RBFOX1: variants seen among roughly 807,000 people sequenced by gnomAD.
The protein encoded by RBFOX1 is RNA binding fox-1 homolog 1.
A neutral mutation model predicts 57.7 loss-of-function variants in RBFOX1; 8 were observed. The ratio of observed to expected loss-of-function variants is 0.14; its 90% CI spans 0.08 to 0.25. The LOEUF (loss-of-function observed/expected upper bound fraction) is 0.25. Among genes scored for constraint, RBFOX1 ranks in the 10% least tolerant of loss-of-function variants. The pLI is 1.00. For synonymous variants in RBFOX1, 326 were observed against 222.4 expected, an observed-to-expected ratio of 1.47 and a Z score of -4.15; for missense variants, 611 against 548.5, an observed-to-expected ratio of 1.11 and a Z score of -1.14.
chr16:5,302,627 G>A (rs1211451367), intron 1 of RBFOX1, among the ~76,000 whole-genome samples: 1 of 152,016 alleles, frequency 6.6e-6, no homozygotes, highest in Non-Finnish European at 1.5e-5. Flanking sequence ...TACATTTTTA[G>A]GGTCATTTTG....
chr16:7,263,042 C>T (rs534561183), intron 4 of RBFOX1, among the ~76,000 whole-genome samples: 2 of 152,332 alleles, frequency 1.3e-5, no homozygotes, highest in South Asian at 2.1e-4. Flanking sequence ...GGTGGAATGA[C>T]TGTTCTCTCC....
chr16:7,282,140 G>C (rs1457222306), intron 4 of RBFOX1, among the ~76,000 whole-genome samples: 1 of 152,290 alleles, frequency 6.6e-6, no homozygotes, highest in Admixed American at 6.5e-5. Flanking sequence ...TGGGATTACA[G>C]GTGTGAGCCA....
intron 10 of RBFOX1, among the ~76,000 whole-genome samples, chr16:7,609,044 T>C (rs1280229471): frequency 1.3e-5 from 2 of 152,182 alleles, no homozygotes; most frequent in Non-Finnish European, 2.9e-5. Flanking sequence ...TGCATCTTTG[T>C]GCAAAGCTGC....
At chr16:6,921,661 G>A (rs1032873719) in intron 3 of RBFOX1, among the ~76,000 whole-genome samples, 2 of 146,564 alleles carry the variant, frequency 1.4e-5, no homozygotes, top group East Asian at 2.0e-4. Context: ...TTTTTTCTTA[G>A]GGTTGCTTTC....
rs377071738 is a variant in RBFOX1, at chr16:7,695,622, G to A, written c.996-13434G>A. 1.8e-3 allele frequency among the ~76,000 whole-genome samples: 260 copies of A among 141,318 alleles called. 1 individual carries two copies. Among genetic ancestry groups the A allele is most frequent in the African/African-American group, 5.6e-3 (211 of 37,708 alleles). The allele number at this position is 141,318 out of a possible 152,430, so 92.7% of individuals were successfully genotyped here. A position where few individuals can be genotyped will look rare whatever the true frequency, so the allele number is the denominator to read the frequency against. ...AGCAGAGACTGCGCCACTGCACTCCGGCCTGGACGACAGAGCAAGCCTCCA... is the reference window on the plus strand; with the variant it reads ...AGCAGAGACTGCGCCACTGCACTCCAGCCTGGACGACAGAGCAAGCCTCCA... On this transcript the variant is annotated intron_variant, in intron 14 of 15. Coordinates refer to ENST00000550418, the MANE Select transcript of RBFOX1 (RefSeq NM_018723.4).
At chr16:6,664,110 C>G (rs1189562596) in intron 3 of RBFOX1, among the ~76,000 whole-genome samples, 1 of 152,140 alleles carries the variant, frequency 6.6e-6, no homozygotes, top group African/African-American at 2.4e-5. Flanking sequence ...GCTCATAGAT[C>G]ATGTTTATGT....
chr16:7,346,341 T>G (rs2097005168), intron 4 of RBFOX1, among the ~76,000 whole-genome samples: 1 of 151,426 alleles, frequency 6.6e-6, no homozygotes, highest in Non-Finnish European at 1.5e-5. Flanking sequence ...CAGAGGAGCA[T>G]TCTACCCAAG....
At chr16:6,224,228 T>TA (rs2097399242) in intron 1 of RBFOX1, among the ~76,000 whole-genome samples, 1 of 151,756 alleles carries the variant, frequency 6.6e-6, no homozygotes, top group Non-Finnish European at 1.5e-5. Flanking sequence ...GTTATTTTTT[T>TA]CCAATTCTGT....
At chr16:6,483,095 G>C in intron 2 of RBFOX1, 1 of 1,003,804 alleles carries the variant, frequency 1.0e-6, no homozygotes, top group Non-Finnish European at 1.2e-6. Context: ...ACCCGTAGGG[G>C]CGGGACCCAC....
At chr16:6,075,774 T>G (rs1045466422) in intron 1 of RBFOX1, among the ~76,000 whole-genome samples, 1 of 152,214 alleles carries the variant, frequency 6.6e-6, no homozygotes, top group African/African-American at 2.4e-5. Flanking sequence ...CTAATCGGTC[T>G]CCATGTCGTG....
At chr16:6,014,565 G>T (rs2152341684), upstream of RBFOX1, among the ~76,000 whole-genome samples, 1 of 152,238 alleles carries the variant, frequency 6.6e-6, no homozygotes, top group South Asian at 2.1e-4. Context: ...ATGTGCCCAA[G>T]GACTGAGGGG....
chr16:5,955,101 T>G (rs1597945096), intron 4 of RBFOX1, among the ~76,000 whole-genome samples: 1 of 72,456 alleles, frequency 1.4e-5, no homozygotes, highest in Non-Finnish European at 2.5e-5. Context: ...GGCAACAGGG[T>G]GAAACTCCAT....
intron 3 of RBFOX1, among the ~76,000 whole-genome samples, chr16:7,002,348 G>A (rs563448228): frequency 6.6e-6 from 1 of 152,212 alleles, no homozygotes; most frequent in Admixed American, 6.5e-5. Context: ...GAGCACATGT[G>A]TTTACACATG....
At chr16:6,920,401 G>T (rs2074209724) in intron 3 of RBFOX1, among the ~76,000 whole-genome samples, 1 of 152,112 alleles carries the variant, frequency 6.6e-6, no homozygotes, top group Non-Finnish European at 1.5e-5. Context: ...CCTTTCTACT[G>T]TTTCTCTTGC....
intron 2 of RBFOX1, among the ~76,000 whole-genome samples, chr16:5,579,668 G>T (rs1449153572): frequency 6.6e-6 from 1 of 152,034 alleles, no homozygotes; most frequent in African/African-American, 2.4e-5. Flanking sequence ...TCCCCAACTG[G>T]GTACACCAGG....
At chr16:7,700,737 G>GACTT (rs893942607) in intron 14 of RBFOX1, among the ~76,000 whole-genome samples, 1 of 152,126 alleles carries the variant, frequency 6.6e-6, no homozygotes, top group African/African-American at 2.4e-5. Flanking sequence ...CCAAAAGTGG[G>GACTT]ACTTACTTAC....
chr16:6,798,881 C>G (rs1000513220), intron 3 of RBFOX1, among the ~76,000 whole-genome samples: 11 of 152,044 alleles, frequency 7.2e-5, no homozygotes, highest in African/African-American at 2.2e-4. Context: ...GATGACTCTT[C>G]CTTTCTGTAG....
intron 1 of RBFOX1, among the ~76,000 whole-genome samples, chr16:6,283,963 A>C (rs923769035): frequency 1.3e-5 from 2 of 152,366 alleles, no homozygotes; most frequent in Admixed American, 1.3e-4. Flanking sequence ...ACAGGAGTGC[A>C]ATGCAGAAAG....
At chr16:7,258,595 T>C (rs1385705076) in intron 4 of RBFOX1, among the ~76,000 whole-genome samples, 3 of 152,220 alleles carry the variant, frequency 2.0e-5, no homozygotes, top group Non-Finnish European at 4.4e-5. Context: ...GAGATTCATA[T>C]TAGAGATCTA....
Sources: gnomAD v4.1 joint callset for allele counts (sites outside exome capture counted in the v4.1 genomes callset) on GRCh38, gnomAD v4.1.1 for gene constraint, MANE v1.5 for transcripts, NCBI Gene and HGNC (gene_info 2026-07-23, HGNC 2026-07-21) for gene names.